Variants in NINL observed in about 807,000 individuals in gnomAD.
NINL encodes the protein ninein-like protein.
A neutral mutation model predicts 160.3 loss-of-function variants in NINL; 153 were observed. The ratio of observed to expected loss-of-function variants is 0.95; its 90% confidence interval spans 0.84 to 1.09. The LOEUF (loss-of-function observed/expected upper bound fraction) is 1.09, where lower values mean the gene tolerates loss of function less well. Among genes scored for constraint, NINL ranks in the 50% least tolerant of loss-of-function variants. NINL has a pLI of 0.00. For missense variants in NINL, 1,829 were observed against 1,764.0 expected (o/e 1.04, Z -0.66); for synonymous variants, 800 against 734.8 (o/e 1.09, Z -1.43).
At chr20:25,481,484 G>C (rs1324349274) in intron 14 of NINL, among the ~76,000 whole-genome samples, 3 of 152,082 alleles carry the variant, frequency 2.0e-5, no homozygotes, top group African/African-American at 4.8e-5. Flanking sequence ...GCGAGCACAG[G>C]GGCAGTTGGC....
intron 10 of NINL, 49 bp downstream of exon 10, chr20:25,496,614 G>T (rs767869115): frequency 6.2e-7 from 1 of 1,604,600 alleles, no homozygotes; most frequent in Admixed American, 1.7e-5. Flanking sequence ...GCCCTCAAAG[G>T]GGCTGGGGAG....
chr20:25,454,687 G>A (rs907479631), intron 23 of NINL, among the ~76,000 whole-genome samples: 3 of 152,084 alleles, frequency 2.0e-5, no homozygotes, highest in Admixed American at 6.5e-5. Context: ...GTCCGTGGCC[G>A]GGCCTCTTCT....
rs763259150 is a variant in NINL, at chr20:25,476,240, G to A, written c.3051C>T (p.Ala1017=). 1.2e-6 allele frequency: 2 copies of A among 1,614,042 alleles called. No individual in the cohort carries two copies. Among genetic ancestry groups the A allele is most frequent in the Non-Finnish European group, 1.7e-6 (2 of 1,179,986 alleles). The change falls in exon 17 of 24, where the codon GCC becomes GCT. Residue 1017 remains alanine, a synonymous_variant. Transcript: ENST00000278886. ...PGCHKHSVEV[A]RRGSLPSHLQ... ...GGTGGGATGGCAAGGACCCTCTCCT[G>A]GCAACCTCCACACTGTGCTTGTGAC... is the stretch of plus-strand genomic sequence containing the variant.
intron 1 of NINL, among the ~76,000 whole-genome samples, chr20:25,553,525 C>T (rs1482383090): frequency 2.0e-5 from 3 of 152,096 alleles, no homozygotes; most frequent in African/African-American, 7.2e-5. Context: ...ATTCCCATGG[C>T]AAAGATATTT....
intron 22 of NINL, 39 bp from the exon 23 acceptor site, chr20:25,455,825 G>T: frequency 6.5e-7 from 1 of 1,545,384 alleles, no homozygotes; most frequent in East Asian, 2.2e-5. Flanking sequence ...GGGCATGGTG[G>T]CTCACGCCTC....
chr20:25,581,864 C>T (rs6115215), intron 1 of NINL, among the ~76,000 whole-genome samples: 60,832 of 130,094 alleles, frequency 0.47, 13,394 homozygotes, highest in East Asian at 0.91. Context: ...CATATCAATT[C>T]ACCCACCTTA....
intron 8 of NINL, 102 bp from the exon 9 acceptor site, chr20:25,498,448 T>C: frequency 6.8e-7 from 1 of 1,465,538 alleles, no homozygotes; most frequent in Non-Finnish European, 9.2e-7. Context: ...AGCATGGCTG[T>C]CCCAGGCAGC....
At chr20:25,492,738 G>A (rs541545770) in intron 10 of NINL, among the ~76,000 whole-genome samples, 9 of 151,908 alleles carry the variant, frequency 5.9e-5, no homozygotes, top group African/African-American at 1.9e-4. Flanking sequence ...CACCACACCC[G>A]GCCACAACAT....
intron 1 of NINL, among the ~76,000 whole-genome samples, chr20:25,527,799 A>T (rs891347353): frequency 1.3e-5 from 2 of 152,186 alleles, no homozygotes; most frequent in Non-Finnish European, 2.9e-5. Context: ...TCTGGGGGGT[A>T]CTTTGTCTTT....
chr20:25,466,716 C>T (rs1239455130), intron 19 of NINL, among the ~76,000 whole-genome samples: 1 of 152,138 alleles, frequency 6.6e-6, no homozygotes, highest in East Asian at 1.9e-4. Context: ...AGAAGAATTG[C>T]TTGAACCTGG....
chr20:25,472,478 G>A (rs2063129166), intron 17 of NINL, among the ~76,000 whole-genome samples: 1 of 149,614 alleles, frequency 6.7e-6, no homozygotes, highest in Non-Finnish European at 1.5e-5. Context: ...TAATAGTAAT[G>A]GCTGAGAGAT....
chr20:25,453,362 C>G lies in NINL; in HGVS notation c.*89G>C. The G allele has an allele frequency of 8.4e-7, 1 of 1,191,964 alleles. No homozygotes were observed. Among genetic ancestry groups the G allele is most frequent in the South Asian group, 1.5e-5 (1 of 67,660 alleles). The allele number at this position is 1,191,964 out of a possible 1,614,324, so 73.8% of individuals were successfully genotyped here. On this transcript the variant is annotated 3_prime_UTR_variant, in exon 24 of 24. Transcript: ENST00000278886. ...CCCAATCCTCAGATGTCCCAGGACTCATGGCTCATGACCCACGGAATCTAA... is the reference window on the plus strand; with the variant it reads ...CCCAATCCTCAGATGTCCCAGGACTGATGGCTCATGACCCACGGAATCTAA...
At chr20:25,525,421 G>A (rs376661682) in intron 2 of NINL, among the ~76,000 whole-genome samples, 29 of 152,306 alleles carry the variant, frequency 1.9e-4, no homozygotes, top group African/African-American at 4.6e-4. Flanking sequence ...GGAGGCCAAG[G>A]CACGTGGATT....
At chr20:25,558,176 T>C (rs1255350765) in intron 1 of NINL, among the ~76,000 whole-genome samples, 1 of 152,080 alleles carries the variant, frequency 6.6e-6, no homozygotes, top group Non-Finnish European at 1.5e-5. Context: ...ACATGCTGAG[T>C]AGAATAGGCA....
At chr20:25,482,472 G>C (rs527956997) in intron 13 of NINL, among the ~76,000 whole-genome samples, 1 of 152,078 alleles carries the variant, frequency 6.6e-6, no homozygotes, top group African/African-American at 2.4e-5. Flanking sequence ...CCAAGTAGCT[G>C]GGATTACAGG....
chr20:25,481,708 G>A (rs1421676917), intron 14 of NINL: 5 of 520,028 alleles, frequency 9.6e-6, no homozygotes, highest in Middle Eastern at 5.0e-4. Context: ...GCTCTGAGAT[G>A]TGGGAACAGC....
intron 18 of NINL, among the ~76,000 whole-genome samples, chr20:25,469,462 G>T (rs527625517): frequency 3.5e-5 from 5 of 144,914 alleles, no homozygotes; most frequent in Non-Finnish European, 1.5e-5. Flanking sequence ...ACTCTCACTG[G>T]TGCCCCCACC....
At chr20:25,577,051 TTAATG>T (rs1309682577) in intron 1 of NINL, among the ~76,000 whole-genome samples, 12 of 152,308 alleles carry the variant, frequency 7.9e-5, no homozygotes, top group African/African-American at 2.2e-4. Flanking sequence ...GTACAGGCCA[TTAATG>T]TAGATTGTGG....
chr20:25,547,454 T>C (rs921378411), intron 1 of NINL, among the ~76,000 whole-genome samples: 2 of 152,210 alleles, frequency 1.3e-5, no homozygotes, highest in Non-Finnish European at 2.9e-5. Flanking sequence ...GTCGTTCAGA[T>C]GCACAGGTCA....
Sources: gnomAD v4.1 joint callset for allele counts (sites outside exome capture counted in the v4.1 genomes callset) on GRCh38, gnomAD v4.1.1 for gene constraint, MANE v1.5 for transcripts, NCBI Gene and HGNC (gene_info 2026-07-23, HGNC 2026-07-21) for gene names.